Variants in MGAT4C observed in about 807,000 individuals in gnomAD.
MGAT4C encodes alpha-1,3-mannosyl-glycoprotein 4-beta-N-acetylglucosaminyltransferase C.
In MGAT4C, 19 loss-of-function variants were observed where a neutral mutation model predicts 40.1. The observed-to-expected ratio is 0.47, with a 90% CI of 0.33 to 0.70. The LOEUF is 0.70. Among genes scored for constraint, MGAT4C ranks in the 30% least tolerant of loss-of-function variants. MGAT4C has a pLI of 0.02. For synonymous variants in MGAT4C, 181 were observed against 187.1 expected, an observed-to-expected ratio of 0.97 and a Z score of 0.27; for missense variants, 491 against 563.2, an observed-to-expected ratio of 0.87 and a Z score of 1.30.
At chr12:86,112,257 C>A (rs1226250274) in intron 1 of MGAT4C, among the ~76,000 whole-genome samples, 1 of 151,640 alleles carries the variant, frequency 6.6e-6, no homozygotes, top group African/African-American at 2.4e-5. Flanking sequence ...TCAATATCCC[C>A]TAAATGGTGC....
chr12:86,066,128 T>C (rs1428530490), intron 1 of MGAT4C, among the ~76,000 whole-genome samples: 3 of 152,036 alleles, frequency 2.0e-5, no homozygotes, highest in Non-Finnish European at 4.4e-5. Context: ...AAAATGGCCA[T>C]ACTGCCCAAA....
intron 2 of MGAT4C, among the ~76,000 whole-genome samples, chr12:86,631,183 A>T (rs1044515029): frequency 6.6e-6 from 1 of 152,172 alleles, no homozygotes; most frequent in Non-Finnish European, 1.5e-5. Flanking sequence ...AATACCTAGG[A>T]ATCCAACTTA....
At chr12:86,779,319 G>T (rs1266110773) in intron 1 of MGAT4C, among the ~76,000 whole-genome samples, 1 of 152,106 alleles carries the variant, frequency 6.6e-6, no homozygotes, top group Non-Finnish European at 1.5e-5. Flanking sequence ...TCAAGGAAGG[G>T]CATAGTGGCT....
At chr12:86,444,762 G>A (rs1280906808) in intron 2 of MGAT4C, among the ~76,000 whole-genome samples, 1 of 152,116 alleles carries the variant, frequency 6.6e-6, no homozygotes, top group Non-Finnish European at 1.5e-5. Context: ...CGGTTCTGTA[G>A]TATTAAGTAT....
At position 86,774,322 on chromosome 12, in the gene MGAT4C, T is replaced by TCTTTCTTTC. The variant is rs1555227788; in HGVS notation, c.-261-47090_-261-47082dup. Among the ~76,000 whole-genome samples, 12 of 99,524 alleles carry TCTTTCTTTC rather than the reference T, an allele frequency of 1.2e-4. No individual in the cohort carries two copies. In the South Asian group the frequency reaches 3.4e-3, roughly 28 times the overall value. The allele number at this position is 99,524 out of a possible 152,430, so 65.3% of individuals were successfully genotyped here. ...TTCTTTCTTTCTTTCTTTCTTTCTTTCTTTCTTTCTTTCTTTCTGTCTCTC... is the reference window on the plus strand; with the variant it reads ...TTCTTTCTTTCTTTCTTTCTTTCTTTCTTTCTTTCCTTTCTTTCTTTCTTTCTGTCTCTC... On this transcript the variant is annotated intron_variant, in intron 1 of 7. Coordinates refer to the MGAT4C transcript ENST00000548651.
At chr12:86,383,845 C>G (rs1273319551) in intron 3 of MGAT4C, among the ~76,000 whole-genome samples, 2 of 152,090 alleles carry the variant, frequency 1.3e-5, no homozygotes, top group Admixed American at 6.6e-5. Context: ...GAAGGCACGA[C>G]TGGTTTTGAA....
intron 1 of MGAT4C, among the ~76,000 whole-genome samples, chr12:86,211,587 A>AAAAC (rs202003594): frequency 0.02 from 3,094 of 151,420 alleles, 95 homozygotes; most frequent in African/African-American, 0.07. Context: ...ACTCCCTCTC[A>AAAAC]AAACAAACAA....
At chr12:86,749,732 T>G (rs945273514) in intron 1 of MGAT4C, among the ~76,000 whole-genome samples, 1 of 151,756 alleles carries the variant, frequency 6.6e-6, no homozygotes, top group African/African-American at 2.4e-5. Context: ...AATAAAAACT[T>G]ATGACTATCA....
chr12:86,769,470 A>T (rs1951587654), intron 1 of MGAT4C, among the ~76,000 whole-genome samples: 1 of 152,164 alleles, frequency 6.6e-6, no homozygotes, highest in Admixed American at 6.5e-5. Context: ...TTCCTCAGGG[A>T]TCTAGAACTA....
chr12:86,265,743 A>C (rs1170026368), intron 4 of MGAT4C, among the ~76,000 whole-genome samples: 1 of 152,200 alleles, frequency 6.6e-6, no homozygotes, highest in Non-Finnish European at 1.5e-5. Context: ...GATTCAATGA[A>C]AGTATGGTCA....
intron 2 of MGAT4C, among the ~76,000 whole-genome samples, chr12:86,039,047 T>C (rs1176241035): frequency 6.9e-6 from 1 of 144,236 alleles, no homozygotes; most frequent in Admixed American, 6.9e-5. Context: ...TTTAAGAATG[T>C]TGAATATTGG....
At chr12:86,122,697 A>G (rs1879578488) in intron 1 of MGAT4C, among the ~76,000 whole-genome samples, 2 of 152,178 alleles carry the variant, frequency 1.3e-5, no homozygotes, top group African/African-American at 4.8e-5. Flanking sequence ...GATGCTATAA[A>G]GTGCATAAAA....
At chr12:86,315,226 G>A (rs1310558034) in intron 4 of MGAT4C, among the ~76,000 whole-genome samples, 1 of 151,956 alleles carries the variant, frequency 6.6e-6, no homozygotes, top group Non-Finnish European at 1.5e-5. Context: ...CAATAATCTG[G>A]TCTTTGACAA....
intron 1 of MGAT4C, among the ~76,000 whole-genome samples, chr12:86,059,506 TG>T (rs772979817): frequency 4.6e-5 from 7 of 152,238 alleles, no homozygotes; most frequent in Non-Finnish European, 8.8e-5. Context: ...TCCTTTCTGC[TG>T]GTTGGAAACT....
At chr12:86,487,850 T>A (rs988852526) in intron 2 of MGAT4C, among the ~76,000 whole-genome samples, 1 of 149,368 alleles carries the variant, frequency 6.7e-6, no homozygotes, top group African/African-American at 2.6e-5. Context: ...TGTTTTTACA[T>A]AAATAAACAT....
At chr12:86,177,845 A>C (rs2135854142) in intron 1 of MGAT4C, among the ~76,000 whole-genome samples, 1 of 152,280 alleles carries the variant, frequency 6.6e-6, no homozygotes, top group African/African-American at 2.4e-5. Context: ...AGCCCACAAG[A>C]TGGGATTTAT....
intron 2 of MGAT4C, among the ~76,000 whole-genome samples, chr12:86,548,365 G>T (rs142638255): frequency 7.6e-4 from 115 of 152,126 alleles, no homozygotes; most frequent in African/African-American, 2.6e-3. Flanking sequence ...ATCTCTCAAG[G>T]TTAATTTATT....
intron 2 of MGAT4C, among the ~76,000 whole-genome samples, chr12:86,007,240 A>G (rs1019896869): frequency 6.6e-5 from 10 of 152,164 alleles, no homozygotes; most frequent in African/African-American, 2.4e-4. Context: ...TGGGCAGCAC[A>G]ATACCAATAG....
chr12:86,795,798 G>A (rs1227079262), intron 1 of MGAT4C, among the ~76,000 whole-genome samples: 4 of 151,914 alleles, frequency 2.6e-5, no homozygotes, highest in Non-Finnish European at 5.9e-5. Flanking sequence ...TACTTGCTCT[G>A]AAATTTTTGA....
Sources: allele counts gnomAD v4.1 joint callset (sites outside exome capture counted in the v4.1 genomes callset), GRCh38; gene constraint gnomAD v4.1.1; transcripts MANE v1.5; gene names NCBI Gene and HGNC (gene_info 2026-07-23, HGNC 2026-07-21).